The following NAV2 variants were observed in gnomAD, a reference collection of about 807,000 sequenced individuals.
NAV2 encodes helicase, APC down-regulated 1.
A neutral mutation model predicts 223.2 loss-of-function variants in NAV2; 54 were observed. The ratio of observed to expected loss-of-function variants is 0.24; its 90% CI spans 0.19 to 0.30. The LOEUF (loss-of-function observed/expected upper bound fraction) is 0.30. Among genes scored for constraint, NAV2 ranks in the 10% least tolerant of loss-of-function variants. The pLI is 1.00. For missense variants in NAV2, 2,806 were observed against 3,147.5 expected, an observed-to-expected ratio of 0.89 and a Z score of 2.60; for synonymous variants, 1,279 against 1,239.3, an observed-to-expected ratio of 1.03 and a Z score of -0.67.
At chr11:19,859,862 C>T (rs1165891841) in intron 3 of NAV2, among the ~76,000 whole-genome samples, 11 of 127,004 alleles carry the variant, frequency 8.7e-5, no homozygotes, top group Admixed American at 3.1e-4. Context: ...GCTGGCCGGG[C>T]GGGGGGCTGA....
At chr11:19,639,416 T>A (rs1005665628) in intron 1 of NAV2, among the ~76,000 whole-genome samples, 6 of 152,240 alleles carry the variant, frequency 3.9e-5, no homozygotes, top group Non-Finnish European at 7.3e-5. Context: ...TCACCATAAC[T>A]ATTTTTAAGT....
intron 1 of NAV2, among the ~76,000 whole-genome samples, chr11:19,420,896 A>G (rs1246655702): frequency 6.6e-6 from 1 of 152,152 alleles, no homozygotes; most frequent in African/African-American, 2.4e-5. Flanking sequence ...CTTCAATTAA[A>G]AGCTAAGCTA....
intron 1 of NAV2, among the ~76,000 whole-genome samples, chr11:19,487,286 A>T (rs2134044703): frequency 6.6e-6 from 1 of 152,332 alleles, no homozygotes; most frequent in South Asian, 2.1e-4. Flanking sequence ...CATTCCTGTT[A>T]AAAATGTTCC....
intron 1 of NAV2, among the ~76,000 whole-genome samples, chr11:19,594,038 G>T (rs563897664): frequency 6.6e-6 from 1 of 152,168 alleles, no homozygotes; most frequent in Non-Finnish European, 1.5e-5. Context: ...AATAGATGAG[G>T]AAGTTAGGGC....
chr11:19,860,287 G>A (rs1359794839), intron 3 of NAV2, among the ~76,000 whole-genome samples: 532 of 112,990 alleles, frequency 4.7e-3, no homozygotes, highest in South Asian at 7.7e-3. Flanking sequence ...GGCGGCTGCC[G>A]GGCGGAGGGG....
At chr11:19,509,288 T>A (rs2043206202) in intron 1 of NAV2, among the ~76,000 whole-genome samples, 1 of 152,176 alleles carries the variant, frequency 6.6e-6, no homozygotes, top group Non-Finnish European at 1.5e-5. Context: ...TGGGTGTGTG[T>A]GTCTGTGTGT....
chr11:19,718,024 A>G (rs1457724424), intron 1 of NAV2, among the ~76,000 whole-genome samples: 3 of 151,866 alleles, frequency 2.0e-5, no homozygotes, highest in East Asian at 1.9e-4. Flanking sequence ...AGTCTCTCCC[A>G]TAAACCTACA....
At chr11:20,077,475 A>G (rs1416772499) in intron 22 of NAV2, 77 bp from the exon 23 acceptor site, 1 of 1,154,282 alleles carries the variant, frequency 8.7e-7, no homozygotes, top group Admixed American at 1.8e-5. Flanking sequence ...CAGGATTTTC[A>G]TCTTTAAGAG....
chr11:19,487,253 T>G (rs1399354615), intron 1 of NAV2, among the ~76,000 whole-genome samples: 1 of 152,192 alleles, frequency 6.6e-6, no homozygotes. Context: ...TTGAAGTGGA[T>G]CTGTTGATTC....
chr11:19,497,859 T>G (rs1376270563), intron 1 of NAV2, among the ~76,000 whole-genome samples: 2 of 152,102 alleles, frequency 1.3e-5, no homozygotes, highest in Non-Finnish European at 2.9e-5. Context: ...GATTTGGGAA[T>G]GCAAAATATT....
At position 19,353,835 on chromosome 11, in the gene NAV2, G is replaced by A. The variant is rs571819961; in HGVS notation, c.75+2808G>A. Among the ~76,000 whole-genome samples the A allele has an allele frequency of 1.1e-4, 16 of 152,306 alleles. No homozygotes were observed. The East Asian group carries it at 3.1e-3, about 29-fold the overall frequency. On this transcript the variant is annotated intron_variant, in intron 1 of 37. Transcript: ENST00000360655. ...CTCATTTCTCTAATTCTATCCAGCA[G>A]TGACTGCTATTAACAGTTTTGTACA...
At chr11:20,058,339 G>T (rs1377566279) in intron 19 of NAV2, among the ~76,000 whole-genome samples, 3 of 152,186 alleles carry the variant, frequency 2.0e-5, no homozygotes, top group African/African-American at 7.2e-5. Flanking sequence ...CACTTTGAAG[G>T]AGTTTTAGGA....
chr11:19,486,256 A>G (rs190209979), intron 1 of NAV2, among the ~76,000 whole-genome samples: 20 of 152,212 alleles, frequency 1.3e-4, no homozygotes, highest in Admixed American at 7.2e-4. Flanking sequence ...AGGTGCATCC[A>G]TTTATAGTCT....
At position 19,933,067 on chromosome 11, in the gene NAV2, A is replaced by G; in HGVS notation, c.932-109A>G. On this transcript the variant is annotated intron_variant, in intron 6 of 37. Coordinates refer to ENST00000349880, the MANE Select transcript of NAV2 (RefSeq NM_145117.5). This position sits in a 1 kb window ranked among gnomAD's most constrained non-coding sequence, Gnocchi z 4.3. Reference sequence around the variant, plus strand: ...TCCACAAAGTGGGCAATGGAGCTATACGGCATTTGGGTTGGGAGTGATTGG... The same window carrying G: ...TCCACAAAGTGGGCAATGGAGCTATGCGGCATTTGGGTTGGGAGTGATTGG... The G allele has an allele frequency of 7.6e-7, 1 of 1,314,436 alleles. No homozygotes were observed. The highest frequency in any genetic ancestry group is 1.0e-6 in the Non-Finnish European group (1 of 988,690). 81.4% of individuals were successfully genotyped at this position (1,314,436 alleles called of 1,614,324 possible).
At chr11:19,930,638 A>G (rs1379151016) in intron 6 of NAV2, among the ~76,000 whole-genome samples, 1 of 152,204 alleles carries the variant, frequency 6.6e-6, no homozygotes, top group Non-Finnish European at 1.5e-5. Context: ...TCATCGATGG[A>G]TCCCAAGTAC....
At chr11:19,906,502 G>T (rs2042875514) in intron 6 of NAV2, among the ~76,000 whole-genome samples, 1 of 152,168 alleles carries the variant, frequency 6.6e-6, no homozygotes. Context: ...TTGTGTTGAT[G>T]GATTGATTTC....
intron 4 of NAV2, among the ~76,000 whole-genome samples, chr11:19,873,647 A>C (rs753355215): frequency 2.0e-5 from 3 of 152,186 alleles, no homozygotes; most frequent in Non-Finnish European, 4.4e-5. Context: ...GCTAGAAAGC[A>C]GGAGGTCTTT....
chr11:19,493,806 T>TA (rs2042707390), intron 1 of NAV2, among the ~76,000 whole-genome samples: 1 of 152,226 alleles, frequency 6.6e-6, no homozygotes, highest in African/African-American at 2.4e-5. Context: ...GCTCTGAACT[T>TA]AATGAATGCC....
In NAV2 at chr11:20,054,165, G is replaced by C. The variant is rs767763578; in HGVS notation, c.4567G>C (p.Ala1523Pro). The C allele has an allele frequency of 6.2e-7, 1 of 1,613,440 alleles. No homozygotes were observed. Among genetic ancestry groups the C allele is most frequent in the East Asian group, 2.2e-5 (1 of 44,852 alleles). The change falls in exon 18 of 38, where the codon GCT becomes CCT. Residue 1523 changes from alanine (A) to proline (P), a missense_variant. Ala to Pro is a conservative substitution (Grantham distance 27). Transcript: ENST00000349880. Reference protein sequence around the residue: ...SHSAGGLQDTAANSPFSSGSS... With the variant: ...SHSAGGLQDTPANSPFSSGSS... ...TTCTGCAGGAGGCCTTCAGGACACC[G>C]CTGCCAATTCCCCCTTTTCCTCTGG...
Sources: gnomAD v4.1 joint callset for allele counts (sites outside exome capture counted in the v4.1 genomes callset) on GRCh38, gnomAD v4.1.1 for gene constraint, Gnocchi (gnomAD v3.1) non-coding constraint, MANE v1.5 for transcripts, NCBI Gene and HGNC (gene_info 2026-07-23, HGNC 2026-07-21) for gene names.